Variants in PCDHGB5 observed in about 807,000 individuals in gnomAD.
The protein encoded by PCDHGB5 is protocadherin gamma-B5.
In PCDHGB5, 48 loss-of-function variants were observed where a neutral mutation model predicts 62.9. The ratio of observed to expected loss-of-function variants is 0.76; its 90% confidence interval spans 0.61 to 0.97. PCDHGB5 has a LOEUF of 0.97. PCDHGB5 is among the 50% of genes least tolerant of loss of function. The probability of loss-of-function intolerance (pLI) is 0.00; values close to 1 mark genes in which losing one functional copy is unlikely to be tolerated. For missense variants in PCDHGB5, 1,118 were observed against 1,198.6 expected, an observed-to-expected ratio of 0.93 and a Z score of 0.99; for synonymous variants, 474 against 511.2, an observed-to-expected ratio of 0.93 and a Z score of 0.98.
intron 1 of PCDHGB5, chr5:141,427,676 T>G: frequency 1.2e-6 from 1 of 813,766 alleles, no homozygotes; most frequent in Non-Finnish European, 2.1e-6. Flanking sequence ...AAAACAACCT[T>G]CCCGGAGCCT....
chr5:141,424,140 C>A, intron 1 of PCDHGB5: 1 of 356,082 alleles, frequency 2.8e-6, no homozygotes, highest in Non-Finnish European at 4.1e-6. Flanking sequence ...TAATAGCATG[C>A]TCCCTCTAGC....
chr5:141,409,143 G>A (rs778597273), intron 1 of PCDHGB5: 1 of 1,613,868 alleles, frequency 6.2e-7, no homozygotes, highest in African/African-American at 1.3e-5. Flanking sequence ...GATGTAGAAA[G>A]GTACACCATG....
intron 1 of PCDHGB5, chr5:141,433,358 C>CCCAT (rs1554125967): frequency 7.1e-5 from 36 of 503,934 alleles, no homozygotes; most frequent in African/African-American, 1.2e-4. Flanking sequence ...CTACTGTCTG[C>CCCAT]CTATCTATCT....
Position 141,410,521 on chromosome 5 carries a change from A to G in PCDHGB5, c.2397+9997A>G, listed in dbSNP as rs201505796. ...ATTTCCTAAAATGCAGTGTGCCCCT[A>G]CATTCCAATGAAGACATGGTTTGCA... is the stretch of plus-strand genomic sequence containing the variant. On this transcript the variant is annotated intron_variant, in intron 1 of 3. Coordinates refer to ENST00000617380, the MANE Select transcript of PCDHGB5 (RefSeq NM_018925.3). 1,940 of 1,613,966 alleles carry G rather than the reference A, an allele frequency of 1.2e-3. 3 individuals are homozygous for G. Among genetic ancestry groups the G allele is most frequent in the Non-Finnish European group, 1.5e-3 (1,760 of 1,179,896 alleles).
At position 141,485,062 on chromosome 5, in the gene PCDHGB5, C is replaced by A; in HGVS notation, c.2398-9745C>A. 1 of 876,340 alleles carries A rather than the reference C, an allele frequency of 1.1e-6. No individual in the cohort carries two copies. Among genetic ancestry groups the A allele is most frequent in the African/African-American group, 1.7e-5 (1 of 59,510 alleles). The allele number at this position is 876,340 out of a possible 1,614,324, so 54.3% of individuals were successfully genotyped here. On this transcript the variant is annotated intron_variant, in intron 1 of 3. Coordinates refer to ENST00000617380, the MANE Select transcript of PCDHGB5 (RefSeq NM_018925.3). This position sits in a 1 kb window ranked among gnomAD's most constrained non-coding sequence, Gnocchi z 5.7. ...CCTTGCGGCGCCGGCCGAACCGCGC[C>A]AGAGCTGGCGCGGGGAAAGGGAGAT...
chr5:141,408,362 C>T (rs773344794), intron 1 of PCDHGB5: 36 of 1,613,850 alleles, frequency 2.2e-5, no homozygotes, highest in Non-Finnish European at 3.1e-5. Flanking sequence ...CGCTAAGGAT[C>T]TAGGGCTCAG....
At chr5:141,415,641 T>TA (rs113784532) in intron 1 of PCDHGB5, 91,654 of 1,192,004 alleles carry the variant, frequency 0.077, 689 homozygotes, top group South Asian at 0.099. Context: ...TTACTTTTGT[T>TA]AAAAAAAAAA....
intron 1 of PCDHGB5, chr5:141,419,512 G>T (rs754877872): frequency 3.7e-6 from 6 of 1,612,296 alleles, no homozygotes; most frequent in South Asian, 1.1e-5. Context: ...TGCGCGTGTT[G>T]GTGGGCGACC....
In PCDHGB5 at chr5:141,490,949, A is replaced by G. The variant is rs2074912; in HGVS notation, c.2398-3858A>G. On this transcript the variant is annotated intron_variant, in intron 1 of 3. Coordinates refer to ENST00000617380, the MANE Select transcript of PCDHGB5 (RefSeq NM_018925.3). The surrounding 1 kb of genome is among the most constrained non-coding windows in gnomAD (Gnocchi z 5.4). ...CCAGCTGTGCTGCACCCACGGCCAG[A>G]CTGGGAACACTCAGCCCCCCAGCGT... 0.21 allele frequency: 331,850 copies of G among 1,613,352 alleles called. 36,311 individuals carry two copies. The highest frequency in any genetic ancestry group is 0.37 in the Admixed American group (22,349 of 59,972).
rs548275013 is a variant in PCDHGB5, at chr5:141,399,375, C to T, written c.1248C>T (p.Val416=). ...GAGAGCAAACCCCGGAGTACAATGTCACCATCACAGCCACAGACAGGGGCA... is the reference window on the plus strand; with the variant it reads ...GAGAGCAAACCCCGGAGTACAATGTTACCATCACAGCCACAGACAGGGGCA... ...LDREQTPEYN[V]TITATDRGKP... is the part of the protein sequence containing the mutation. Residue 416 remains valine, a synonymous_variant, in exon 1 of 4, where the codon GTC becomes GTT. Transcript: ENST00000617380. 3 of 1,614,016 alleles carry T rather than the reference C, an allele frequency of 1.9e-6. No individual in the cohort carries two copies. The highest frequency in any genetic ancestry group is 2.2e-5 in the South Asian group (2 of 91,084).
At chr5:141,433,400 TATCTATTA>T (rs1426636766) in intron 1 of PCDHGB5, among the ~76,000 whole-genome samples, 16 of 151,506 alleles carry the variant, frequency 1.1e-4, no homozygotes, top group African/African-American at 3.4e-4. Context: ...TCTATCTATC[TATCTATTA>T]CTTTCTTGTA....
chr5:141,420,225 C>G, intron 1 of PCDHGB5: 1 of 1,603,470 alleles, frequency 6.2e-7, no homozygotes. Flanking sequence ...ATGCTACTGG[C>G]TAGCATTTTA....
At chr5:141,509,096 T>C (rs1364889034) in intron 3 of PCDHGB5, among the ~76,000 whole-genome samples, 1 of 152,124 alleles carries the variant, frequency 6.6e-6, no homozygotes, top group African/African-American at 2.4e-5. Context: ...ATGGGGGCTG[T>C]AGAAACCTGA....
rs532517723 is a variant in PCDHGB5, at chr5:141,486,244, A to G, written c.2398-8563A>G. The G allele has an allele frequency of 1.2e-5, 19 of 1,614,068 alleles. No homozygotes were observed. The Admixed American group carries it at 2.3e-4, about 20-fold the overall frequency. On this transcript the variant is annotated intron_variant, in intron 1 of 3. Coordinates refer to ENST00000617380, the MANE Select transcript of PCDHGB5 (RefSeq NM_018925.3). This position sits in a 1 kb window ranked among gnomAD's most constrained non-coding sequence, Gnocchi z 5.0. ...ACATCACAGTGACCTCAGAGCTTGGAACCCTCCCCGAGAGTGCAGAACCTG... is the reference window on the plus strand; with the variant it reads ...ACATCACAGTGACCTCAGAGCTTGGGACCCTCCCCGAGAGTGCAGAACCTG...
chr5:141,479,328 G>A (rs568506786), intron 1 of PCDHGB5: 1 of 152,654 alleles, frequency 6.6e-6, no homozygotes, highest in East Asian at 1.9e-4. Flanking sequence ...CAGACTCAGT[G>A]GTGTGCACCT....
In PCDHGB5 at chr5:141,400,151, C is replaced by G. The variant is rs201457414; in HGVS notation, c.2024C>G (p.Pro675Arg). ...QEVLPDITDRPVPSDPQAELQ... is the reference protein window; with the variant it reads ...QEVLPDITDRRVPSDPQAELQ... ...GTGCTGCCGGATATCACTGACCGCC[C>G]TGTACCCTCTGACCCCCAGGCTGAG... The change falls in exon 1 of 4, where the codon CCT becomes CGT. Residue 675 changes from proline to arginine, a missense_variant. This residue lies in a region of PCDHGB5 where 1,034 missense variants were observed against 1,029.1 expected (regional missense o/e 1.00). Transcript: ENST00000617380. 6.4e-5 allele frequency: 104 copies of G among 1,614,086 alleles called. No individual in the cohort carries two copies. The highest frequency in any genetic ancestry group is 4.9e-4 in the Middle Eastern group (3 of 6,062).
intron 2 of PCDHGB5, among the ~76,000 whole-genome samples, chr5:141,500,904 C>T (rs2099803610): frequency 6.6e-6 from 1 of 151,662 alleles, no homozygotes; most frequent in Non-Finnish European, 1.5e-5. Context: ...CAGTCTCGCT[C>T]TGTCTCCAGG....
rs1300521650 is a variant in PCDHGB5 at position 141,398,889 on chromosome 5, C to A, written c.762C>A (p.Asn254Lys). The A allele has an allele frequency of 1.2e-6, 2 of 1,613,958 alleles. No homozygotes were observed. Among genetic ancestry groups the A allele is most frequent in the Non-Finnish European group, 1.7e-6 (2 of 1,179,894 alleles). The change falls in exon 1 of 4, where the codon AAC becomes AAA. Residue 254 changes from asparagine (N) to lysine (K), a missense_variant. Asn to Lys is a moderately conservative substitution (Grantham distance 94). Coordinates refer to ENST00000617380, the MANE Select transcript of PCDHGB5 (RefSeq NM_018925.3). ...RDVYRVSLRENVPPGTTVLQV... is the reference protein window; with the variant it reads ...RDVYRVSLREKVPPGTTVLQV... The stretch of plus-strand genomic sequence containing the variant: ...TGTACAGAGTCAGCCTTCGGGAAAA[C>A]GTGCCACCAGGCACCACTGTGTTGC...
At chr5:141,443,383 G>A (rs1302172660) in intron 1 of PCDHGB5, among the ~76,000 whole-genome samples, 1 of 152,130 alleles carries the variant, frequency 6.6e-6, no homozygotes, top group Non-Finnish European at 1.5e-5. Flanking sequence ...TACTTGGGAG[G>A]CTGAGGTGTG....
Sources: gnomAD v4.1 joint callset for allele counts (sites outside exome capture counted in the v4.1 genomes callset) on GRCh38, gnomAD v4.1.1 for gene constraint, gnomAD v4.1.1 regional missense constraint, Gnocchi (gnomAD v3.1) non-coding constraint, MANE v1.5 for transcripts, NCBI Gene and HGNC (gene_info 2026-07-23, HGNC 2026-07-21) for gene names.